Variants in CNTN5 observed in about 807,000 individuals in gnomAD.
CNTN5 encodes contactin-5.
CNTN5 carries 77 observed loss-of-function variants against 129.1 expected under a neutral mutation model. That is an observed-to-expected ratio of 0.60 (90% confidence interval 0.50 to 0.72). CNTN5 has a LOEUF of 0.72. Ranked by LOEUF, CNTN5 falls within the 30% of genes least tolerant of loss-of-function variation. The pLI is 0.00. For missense variants in CNTN5, 1,478 were observed against 1,328.8 expected (o/e 1.11, Z -1.75); for synonymous variants, 509 against 465.6 (o/e 1.09, Z -1.20).
At chr11:99,217,407 T>C (rs551486347) in intron 1 of CNTN5, among the ~76,000 whole-genome samples, 1 of 152,310 alleles carries the variant, frequency 6.6e-6, no homozygotes, top group East Asian at 1.9e-4. Context: ...TAAGTTGACT[T>C]GTATCCATAT....
chr11:99,348,234 G>A (rs1438442594), intron 2 of CNTN5, among the ~76,000 whole-genome samples: 1 of 152,110 alleles, frequency 6.6e-6, no homozygotes, highest in African/African-American at 2.4e-5. Flanking sequence ...AGCTACTTGG[G>A]AGGCTGAGGC....
chr11:99,147,460 A>G (rs1859844561), intron 1 of CNTN5, among the ~76,000 whole-genome samples: 1 of 152,200 alleles, frequency 6.6e-6, no homozygotes, highest in Non-Finnish European at 1.5e-5. Flanking sequence ...TTTTAGTTTT[A>G]TAATTTTATT....
At chr11:100,330,236 C>A (rs1467504707) in intron 21 of CNTN5, among the ~76,000 whole-genome samples, 1 of 152,102 alleles carries the variant, frequency 6.6e-6, no homozygotes, top group Admixed American at 6.5e-5. Flanking sequence ...AACTCTGGAG[C>A]TCAAAGACAA....
chr11:99,668,274 C>A (rs1952882178), intron 3 of CNTN5, among the ~76,000 whole-genome samples: 1 of 152,130 alleles, frequency 6.6e-6, no homozygotes, highest in Non-Finnish European at 1.5e-5. Context: ...AGAATACATT[C>A]TATTCTATGA....
At chr11:99,616,272 A>G (rs189420949) in intron 3 of CNTN5, among the ~76,000 whole-genome samples, 83 of 152,306 alleles carry the variant, frequency 5.4e-4, no homozygotes, top group African/African-American at 1.9e-3. Flanking sequence ...ATAACACATA[A>G]GATATATCAT....
At chr11:99,377,906 T>G (rs12801667) in intron 2 of CNTN5, among the ~76,000 whole-genome samples, 36,933 of 152,042 alleles carry the variant, frequency 0.24, 5,342 homozygotes, top group Middle Eastern at 0.35. Context: ...ACTTTAATTT[T>G]AACAAGTCCC....
At chr11:99,444,392 G>A (rs555747345) in intron 2 of CNTN5, among the ~76,000 whole-genome samples, 213 of 152,246 alleles carry the variant, frequency 1.4e-3, no homozygotes, top group African/African-American at 4.9e-3. Context: ...TAACAAACAA[G>A]CAAATATCCT....
intron 9 of CNTN5, among the ~76,000 whole-genome samples, chr11:100,008,034 G>C (rs1242125671): frequency 6.6e-6 from 1 of 152,014 alleles, no homozygotes; most frequent in Non-Finnish European, 1.5e-5. Flanking sequence ...TGAGGGAGTG[G>C]CCAGTTGATG....
chr11:99,498,811 C>A (rs556284906), intron 2 of CNTN5, among the ~76,000 whole-genome samples: 18 of 152,250 alleles, frequency 1.2e-4, no homozygotes, highest in African/African-American at 3.6e-4. Context: ...AATAATTTTT[C>A]TTCTTGTGCA....
chr11:99,999,228 A>C (rs1199433899), intron 8 of CNTN5, among the ~76,000 whole-genome samples: 2 of 152,312 alleles, frequency 1.3e-5, no homozygotes, highest in Admixed American at 6.5e-5. Flanking sequence ...CAACCAATAA[A>C]ATGGGAGAAA....
At chr11:100,234,777 A>G (rs1340216876) in intron 16 of CNTN5, among the ~76,000 whole-genome samples, 7 of 142,640 alleles carry the variant, frequency 4.9e-5, no homozygotes, top group African/African-American at 1.8e-4. Flanking sequence ...CATTCTGCAC[A>G]TGTATCCCAG....
At chr11:99,544,359 T>C (rs1164595591) in intron 2 of CNTN5, among the ~76,000 whole-genome samples, 1 of 151,620 alleles carries the variant, frequency 6.6e-6, no homozygotes, top group Non-Finnish European at 1.5e-5. Context: ...ATTAGGCATA[T>C]TCTGAGATCA....
chr11:99,861,808 A>AT (rs377551299), intron 6 of CNTN5, among the ~76,000 whole-genome samples: 7 of 152,192 alleles, frequency 4.6e-5, no homozygotes, highest in African/African-American at 1.7e-4. Context: ...ACCTTTAGAA[A>AT]TTAGGGATAT....
intron 3 of CNTN5, among the ~76,000 whole-genome samples, chr11:99,751,663 T>C (rs149996835): frequency 3.9e-5 from 6 of 152,308 alleles, no homozygotes; most frequent in South Asian, 2.1e-4. Flanking sequence ...ATTTGCTCTG[T>C]AATAATATAG....
chr11:99,650,296 A>G (rs181612722), intron 3 of CNTN5, among the ~76,000 whole-genome samples: 7 of 151,994 alleles, frequency 4.6e-5, no homozygotes, highest in African/African-American at 9.6e-5. Context: ...AGCAAATCTA[A>G]TGGGGAGTCA....
intron 15 of CNTN5, among the ~76,000 whole-genome samples, chr11:100,208,992 C>T (rs1006014815): frequency 7.9e-5 from 12 of 152,238 alleles, no homozygotes; most frequent in African/African-American, 2.4e-4. Flanking sequence ...AGCTATGTCG[C>T]GTGGTTATCA....
intron 3 of CNTN5, among the ~76,000 whole-genome samples, chr11:99,744,996 T>G (rs1445875992): frequency 6.6e-6 from 1 of 152,196 alleles, no homozygotes; most frequent in Non-Finnish European, 1.5e-5. Flanking sequence ...GATCAGTCCT[T>G]CCAAGTAGTT....
At chr11:99,492,487 A>G (rs1261506978) in intron 2 of CNTN5, among the ~76,000 whole-genome samples, 1 of 152,170 alleles carries the variant, frequency 6.6e-6, no homozygotes, top group Non-Finnish European at 1.5e-5. Flanking sequence ...CATATGCTAA[A>G]ATCTTCTGAA....
At chr11:99,640,812 A>G (rs375231023) in intron 3 of CNTN5, among the ~76,000 whole-genome samples, 15 of 152,178 alleles carry the variant, frequency 9.9e-5, no homozygotes, top group Admixed American at 5.9e-4. Flanking sequence ...CTGACAGCAC[A>G]TTTCTCAGAA....
Sources: gnomAD v4.1 joint callset for allele counts (sites outside exome capture counted in the v4.1 genomes callset) on GRCh38, gnomAD v4.1.1 for gene constraint, MANE v1.5 for transcripts, NCBI Gene and HGNC (gene_info 2026-07-23, HGNC 2026-07-21) for gene names.